ST18: variants seen among roughly 807,000 people sequenced by gnomAD.
ST18 encodes the protein ST18 C2H2C-type zinc finger transcription factor, also known as suppression of tumorigenicity 18 protein.
In ST18, 50 loss-of-function variants were observed where a neutral mutation model predicts 110.0. The ratio of observed to expected loss-of-function variants is 0.45; its 90% CI spans 0.36 to 0.58. ST18 has a LOEUF of 0.58. Among genes scored for constraint, ST18 ranks in the 20% least tolerant of loss-of-function variants. The pLI is 0.00. For missense variants in ST18, 1,306 were observed against 1,280.1 expected (o/e 1.02, Z -0.31); for synonymous variants, 461 against 452.4 (o/e 1.02, Z -0.24).
At chr8:52,276,259 C>T (rs1018493384) in intron 2 of ST18, among the ~76,000 whole-genome samples, 2 of 146,612 alleles carry the variant, frequency 1.4e-5, no homozygotes, top group Non-Finnish European at 3.0e-5. Context: ...CATACACATA[C>T]CACACACCAC....
At chr8:52,404,707 C>A (rs1843866389) in intron 2 of ST18, 1 of 152,214 alleles carries the variant, frequency 6.6e-6, no homozygotes, top group Admixed American at 6.5e-5. Context: ...ACTTCCCCAT[C>A]TTTTCTCTCA....
intron 8 of ST18, among the ~76,000 whole-genome samples, chr8:52,198,868 T>G (rs2077028027): frequency 6.6e-6 from 1 of 152,190 alleles, no homozygotes. Flanking sequence ...CACATGTACC[T>G]GTGCCTTCCT....
At chr8:52,159,208 G>A (rs1054590673) in intron 14 of ST18, 99 bp from the exon 15 acceptor site, 2 of 1,152,754 alleles carry the variant, frequency 1.7e-6, no homozygotes, top group Non-Finnish European at 1.2e-6. Context: ...ATTAAAATAT[G>A]TGAAGAATAA....
chr8:52,196,547 C>T (rs545302584), intron 8 of ST18, among the ~76,000 whole-genome samples: 49 of 152,128 alleles, frequency 3.2e-4, no homozygotes, highest in African/African-American at 1.0e-3. Flanking sequence ...TGTAGTCAAC[C>T]GAGGTCTGAA....
intron 8 of ST18, among the ~76,000 whole-genome samples, chr8:52,186,101 G>A (rs1051459628): frequency 2.0e-5 from 3 of 152,168 alleles, no homozygotes; most frequent in African/African-American, 7.2e-5. Context: ...TGTATGTCAT[G>A]CTGTATGGTT....
intron 15 of ST18, among the ~76,000 whole-genome samples, chr8:52,152,494 T>C (rs2059063861): frequency 6.6e-6 from 1 of 152,254 alleles, no homozygotes; most frequent in Non-Finnish European, 1.5e-5. Flanking sequence ...ATAGGATTAC[T>C]ACTATTCATG....
chr8:52,230,835 A>G (rs1013088751), intron 2 of ST18, among the ~76,000 whole-genome samples: 5 of 122,396 alleles, frequency 4.1e-5, no homozygotes, highest in African/African-American at 1.5e-4. Flanking sequence ...CAACTTCACC[A>G]ACTCCACAGA....
At chr8:52,376,794 G>T (rs74456786) in intron 2 of ST18, among the ~76,000 whole-genome samples, 1 of 152,252 alleles carries the variant, frequency 6.6e-6, no homozygotes, top group African/African-American at 2.4e-5. Flanking sequence ...TCACTGATCT[G>T]GGTGAATCTG....
At chr8:52,116,933 C>A (rs1280932725) in intron 24 of ST18, among the ~76,000 whole-genome samples, 2 of 152,248 alleles carry the variant, frequency 1.3e-5, no homozygotes, top group East Asian at 3.9e-4. Flanking sequence ...TGCCATTACC[C>A]CATCTAATCT....
At chr8:52,372,200 A>C (rs532581611) in intron 2 of ST18, among the ~76,000 whole-genome samples, 2 of 152,258 alleles carry the variant, frequency 1.3e-5, no homozygotes, top group South Asian at 4.1e-4. Context: ...CTTAGTTTTT[A>C]ACAAAAAAGT....
chr8:52,328,077 A>G (rs1317928319), intron 2 of ST18, among the ~76,000 whole-genome samples: 1 of 152,220 alleles, frequency 6.6e-6, no homozygotes, highest in East Asian at 1.9e-4. Flanking sequence ...AGTGCATCCT[A>G]TAGCCTTAGC....
chr8:52,134,366 GACTTTC>G (rs529774949), intron 19 of ST18, among the ~76,000 whole-genome samples: 95 of 152,314 alleles, frequency 6.2e-4, no homozygotes, highest in Non-Finnish European at 8.4e-4. Flanking sequence ...ATTTTACGCA[GACTTTC>G]ACCTTTTTGC....
intron 22 of ST18, among the ~76,000 whole-genome samples, chr8:52,128,134 A>C (rs2131321879): frequency 6.6e-6 from 1 of 152,062 alleles, no homozygotes; most frequent in East Asian, 1.9e-4. Context: ...ACACCTGGCT[A>C]ATTTTTGTAT....
chr8:52,256,298 T>C (rs978600682), intron 2 of ST18, among the ~76,000 whole-genome samples: 4 of 152,256 alleles, frequency 2.6e-5, no homozygotes, highest in East Asian at 1.9e-4. Flanking sequence ...CAAAATTTCA[T>C]TGTGCTATTT....
intron 15 of ST18, among the ~76,000 whole-genome samples, chr8:52,151,157 C>T (rs1049020848): frequency 6.6e-6 from 1 of 152,090 alleles, no homozygotes; most frequent in African/African-American, 2.4e-5. Context: ...CAGCTACTTC[C>T]CAGGGGATTT....
chr8:52,192,892 T>G (rs1007738913), intron 8 of ST18, among the ~76,000 whole-genome samples: 8 of 152,160 alleles, frequency 5.3e-5, no homozygotes, highest in African/African-American at 1.7e-4. Flanking sequence ...TGCTGAGAGA[T>G]AACAGGCAAG....
At chr8:52,144,927 T>C (rs926254597) in intron 16 of ST18, among the ~76,000 whole-genome samples, 2 of 152,168 alleles carry the variant, frequency 1.3e-5, no homozygotes, top group Non-Finnish European at 2.9e-5. Flanking sequence ...TAGTCCTATC[T>C]GGATTTGGCC....
chr8:52,345,294 A>C (rs1017480874), intron 2 of ST18, among the ~76,000 whole-genome samples: 1 of 152,180 alleles, frequency 6.6e-6, no homozygotes, highest in Non-Finnish European at 1.5e-5. Context: ...TTTGTCTCTT[A>C]TCCTTCCTGA....
chr8:52,245,463 T>C (rs1229660828), intron 2 of ST18, among the ~76,000 whole-genome samples: 1 of 152,174 alleles, frequency 6.6e-6, no homozygotes, highest in Non-Finnish European at 1.5e-5. Context: ...TGGTGAGGTT[T>C]ACACACTGGC....
Sources: gnomAD v4.1 joint callset for allele counts (sites outside exome capture counted in the v4.1 genomes callset) on GRCh38, gnomAD v4.1.1 for gene constraint, MANE v1.5 for transcripts, NCBI Gene and HGNC (gene_info 2026-07-23, HGNC 2026-07-21) for gene names.